The following DACH1 variants were observed in gnomAD, a reference collection of about 807,000 sequenced individuals.
The protein encoded by DACH1 is dachshund family transcription factor 1.
DACH1 carries 12 observed loss-of-function variants against 54.2 expected under a neutral mutation model. That is an observed-to-expected ratio of 0.22 (90% confidence interval 0.14 to 0.36). The LOEUF (loss-of-function observed/expected upper bound fraction) is 0.36. DACH1 is among the 10% of genes least tolerant of loss of function. The pLI is 1.00. For synonymous variants in DACH1, 386 were observed against 366.2 expected, an observed-to-expected ratio of 1.05 and a Z score of -0.62; for missense variants, 805 against 929.8, an observed-to-expected ratio of 0.87 and a Z score of 1.75.
In DACH1 at chr13:71,820,757, C is replaced by G. The variant is rs1246797619; in HGVS notation, c.848+45165G>C. Among the ~76,000 whole-genome samples the G allele has an allele frequency of 2.0e-5, 3 of 152,150 alleles. No homozygotes were observed. In the East Asian group the frequency reaches 5.8e-4, roughly 29 times the overall value. On this transcript the variant is annotated intron_variant, in intron 1 of 10. Coordinates refer to ENST00000613252, the MANE Select transcript of DACH1 (RefSeq NM_080759.6). ...GTAATAAACCACTTTCTTAGTATGA[C>G]TTCCACGGAGAAAGGATAGGATTGT...
rs1476855094 is a variant in DACH1 at position 71,796,989 on chromosome 13, TG to T, written c.848+68932del. 4.6e-5 allele frequency among the ~76,000 whole-genome samples: 7 copies of T among 152,190 alleles called. No homozygotes were observed. The East Asian group carries it at 1.4e-3, about 29-fold the overall frequency. On this transcript the variant is annotated intron_variant, in intron 1 of 10. Transcript: ENST00000613252. Reference sequence around the variant, plus strand: ...ATATTAATATTATATTTCTTTGTTTTGTTTTTTTTCACATATAGAAATTCCA... The same window carrying T: ...ATATTAATATTATATTTCTTTGTTTTTTTTTTTTCACATATAGAAATTCCA...
intron 1 of DACH1, among the ~76,000 whole-genome samples, chr13:71,787,868 T>C (rs1173687221): frequency 6.6e-6 from 1 of 152,128 alleles, no homozygotes; most frequent in African/African-American, 2.4e-5. Context: ...CTGAACAAAA[T>C]GAGCGGAAAT....
At chr13:71,597,629 A>AAT (rs1329742614) in intron 3 of DACH1, among the ~76,000 whole-genome samples, 1 of 152,140 alleles carries the variant, frequency 6.6e-6, no homozygotes, top group African/African-American at 2.4e-5. Context: ...ATCAGAATTC[A>AAT]AATCAGTGGC....
chr13:71,719,754 A>G (rs911164984), intron 1 of DACH1, among the ~76,000 whole-genome samples: 1 of 151,898 alleles, frequency 6.6e-6, no homozygotes, highest in Non-Finnish European at 1.5e-5. Context: ...AGTCCCAGCT[A>G]CTCTGGAGGC....
chr13:71,858,288 C>A (rs1874132524), intron 1 of DACH1, among the ~76,000 whole-genome samples: 1 of 151,664 alleles, frequency 6.6e-6, no homozygotes, highest in African/African-American at 2.4e-5. Flanking sequence ...TTTACAAACA[C>A]TTGATACCAT....
At chr13:71,763,535 A>T (rs1289095269) in intron 1 of DACH1, among the ~76,000 whole-genome samples, 2 of 149,284 alleles carry the variant, frequency 1.3e-5, no homozygotes, top group East Asian at 3.9e-4. Flanking sequence ...CTCTTCCCTG[A>T]TTTTTTTTTT....
At chr13:71,731,385 G>A (rs1049719093) in intron 1 of DACH1, among the ~76,000 whole-genome samples, 5 of 148,218 alleles carry the variant, frequency 3.4e-5, no homozygotes, top group Non-Finnish European at 7.4e-5. Flanking sequence ...TCCACCTCCC[G>A]GGTTCATGCC....
At chr13:71,504,359 T>C (rs1264882018) in intron 6 of DACH1, among the ~76,000 whole-genome samples, 1 of 152,194 alleles carries the variant, frequency 6.6e-6, no homozygotes, top group Non-Finnish European at 1.5e-5. Flanking sequence ...TTAAAGTATT[T>C]CCTGTTATCT....
chr13:71,748,024 T>C (rs112921466), intron 1 of DACH1, among the ~76,000 whole-genome samples: 1 of 152,322 alleles, frequency 6.6e-6, no homozygotes, highest in East Asian at 1.9e-4. Context: ...GGGGACAGCA[T>C]GTTGACTTCC....
At chr13:71,579,787 G>A (rs1475106910) in intron 3 of DACH1, among the ~76,000 whole-genome samples, 1 of 152,112 alleles carries the variant, frequency 6.6e-6, no homozygotes, top group Admixed American at 6.6e-5. Flanking sequence ...AATACTATAT[G>A]TGCAGAAGAG....
At chr13:71,654,519 T>C (rs1878956434) in intron 2 of DACH1, among the ~76,000 whole-genome samples, 1 of 137,576 alleles carries the variant, frequency 7.3e-6, no homozygotes. Context: ...TAAAATAAAA[T>C]ACAACTAATA....
chr13:71,689,766 T>C (rs1881379172), intron 1 of DACH1, among the ~76,000 whole-genome samples: 1 of 152,174 alleles, frequency 6.6e-6, no homozygotes, highest in Admixed American at 6.6e-5. Context: ...TCTTAAGCAT[T>C]TGTATATTAA....
intron 6 of DACH1, among the ~76,000 whole-genome samples, chr13:71,496,306 T>TATATATATATAC (rs1217159359): frequency 6.5e-4 from 30 of 46,088 alleles, no homozygotes; most frequent in Admixed American, 8.4e-4. Flanking sequence ...TATATATATA[T>TATATATATATAC]ACACACACAA....
chr13:71,586,320 T>G (rs1353369508), intron 3 of DACH1, among the ~76,000 whole-genome samples: 1 of 152,118 alleles, frequency 6.6e-6, no homozygotes, highest in African/African-American at 2.4e-5. Context: ...CCTCCCAAAT[T>G]CAGGATTAAA....
intron 6 of DACH1, among the ~76,000 whole-genome samples, chr13:71,505,236 C>G (rs1403523546): frequency 6.6e-6 from 1 of 152,058 alleles, no homozygotes; most frequent in Non-Finnish European, 1.5e-5. Context: ...GTGTGTGCCA[C>G]CACGCCCGGC....
chr13:71,721,118 C>A (rs1883210625), intron 1 of DACH1, among the ~76,000 whole-genome samples: 1 of 152,156 alleles, frequency 6.6e-6, no homozygotes, highest in African/African-American at 2.4e-5. Flanking sequence ...AAGTAAAAAT[C>A]TATATCCAAA....
chr13:71,633,442 T>C lies in DACH1; in HGVS notation c.965-2725A>G, dbSNP rs1388308012. Among the ~76,000 whole-genome samples, 4 of 152,308 alleles carry C rather than the reference T, an allele frequency of 2.6e-5. No homozygotes were observed. The East Asian group carries it at 5.8e-4, about 22-fold the overall frequency. On this transcript the variant is annotated intron_variant, in intron 2 of 10. Transcript: ENST00000613252. Reference sequence around the variant, plus strand: ...GCCCTCTCAGCTAGAATAATCACATTTGTCCTTAGGTGACTGGATTAGCCC... The same window carrying C: ...GCCCTCTCAGCTAGAATAATCACATCTGTCCTTAGGTGACTGGATTAGCCC...
intron 1 of DACH1, among the ~76,000 whole-genome samples, chr13:71,820,908 A>T (rs1490054054): frequency 3.9e-5 from 6 of 152,182 alleles, no homozygotes; most frequent in Admixed American, 3.3e-4. Flanking sequence ...TGACCTCATC[A>T]CACCCTCAAT....
In DACH1 at chr13:71,853,559, T is replaced by C. The variant is rs534154431; in HGVS notation, c.848+12363A>G. 4.6e-5 allele frequency among the ~76,000 whole-genome samples: 7 copies of C among 152,242 alleles called. No individual in the cohort carries two copies. The South Asian group carries it at 1.2e-3, about 27-fold the overall frequency. On this transcript the variant is annotated intron_variant, in intron 1 of 10. Coordinates refer to ENST00000613252, the MANE Select transcript of DACH1 (RefSeq NM_080759.6). Reference sequence around the variant, plus strand: ...TTATTAAAAAATTAGATAAACCAAGTCCTCTTAAAATGTACCATTTTCATA... The same window carrying C: ...TTATTAAAAAATTAGATAAACCAAGCCCTCTTAAAATGTACCATTTTCATA...
Sources: gnomAD v4.1 joint callset for allele counts (sites outside exome capture counted in the v4.1 genomes callset) on GRCh38, gnomAD v4.1.1 for gene constraint, MANE v1.5 for transcripts, NCBI Gene and HGNC (gene_info 2026-07-23, HGNC 2026-07-21) for gene names.